The following ARSJ variants were observed in gnomAD, a reference collection of about 807,000 sequenced individuals.
ARSJ encodes the protein arylsulfatase family member J, also known as arylsulfatase J.
Under a neutral mutation model 35.9 loss-of-function variants are expected in ARSJ, and 26 were observed. The observed-to-expected ratio is 0.72, with a 90% confidence interval of 0.53 to 1.00. The LOEUF (loss-of-function observed/expected upper bound fraction) is 1.00. Among genes scored for constraint, ARSJ ranks in the 50% least tolerant of loss-of-function variants. The pLI is 0.00. For synonymous variants in ARSJ, 294 were observed against 267.6 expected (o/e 1.10, Z -0.96); for missense variants, 667 against 723.6 (o/e 0.92, Z 0.90).
At chr4:113,967,009 T>A (rs1030361358) in intron 1 of ARSJ, among the ~76,000 whole-genome samples, 1 of 152,162 alleles carries the variant, frequency 6.6e-6, no homozygotes, top group Non-Finnish European at 1.5e-5. Context: ...AGTGATTATT[T>A]TCTGGCATGT....
chr4:113,978,864 G>A lies in ARSJ; in HGVS notation c.-30C>T, dbSNP rs769829614. 4 of 1,558,496 alleles carry A rather than the reference G, an allele frequency of 2.6e-6. No homozygotes were observed. The South Asian group carries it at 4.9e-5, about 19-fold the overall frequency. On this transcript the variant is annotated 5_prime_UTR_variant, in exon 1 of 2. Transcript: ENST00000315366. ...TCAGGTCCCAGGTGAGACTCCACGC[G>A]GAGAACCACGCGCCCCGCGCCGCTG...
chr4:113,945,534 T>C (rs1365320476), intron 1 of ARSJ, among the ~76,000 whole-genome samples: 2 of 152,046 alleles, frequency 1.3e-5, no homozygotes, highest in African/African-American at 2.4e-5. Flanking sequence ...AATTGATTGG[T>C]AGAGTTATGG....
chr4:113,903,107 T>C lies in ARSJ; in HGVS notation c.967A>G (p.Ile323Val). 6.2e-7 allele frequency: 1 copy of C among 1,614,208 alleles called. No individual in the cohort carries two copies. Among genetic ancestry groups the C allele is most frequent in the South Asian group, 1.1e-5 (1 of 91,086 alleles). ...TYGFYNNSII[I>V]YSSDNGGQPT... is the part of the protein sequence containing the mutation. ...TGGCCACCATTATCTGAAGAGTAAATGATAATGCTGTTGTTATAGAAACCA... is the reference window on the plus strand; with the variant it reads ...TGGCCACCATTATCTGAAGAGTAAACGATAATGCTGTTGTTATAGAAACCA... Residue 323 changes from isoleucine to valine, a missense_variant, in exon 2 of 2, where the codon ATT becomes GTT. Transcript: ENST00000315366.
chr4:113,943,677 A>C (rs2149270956), intron 1 of ARSJ, among the ~76,000 whole-genome samples: 1 of 152,162 alleles, frequency 6.6e-6, no homozygotes, highest in Non-Finnish European at 1.5e-5. Context: ...TTAGGTGGGA[A>C]GGGAGACTTC....
At position 113,952,633 on chromosome 4, in the gene ARSJ, G is replaced by C. The variant is rs555366577; in HGVS notation, c.398+25804C>G. 2.0e-5 allele frequency among the ~76,000 whole-genome samples: 3 copies of C among 152,224 alleles called. 1 individual carries two copies. The South Asian group carries it at 6.2e-4, about 32-fold the overall frequency. ...GAGGTAATGCTGAAAGCAGTCACTA[G>C]AGGGAAATAGAGGGCTGAGAACTAG... On this transcript the variant is annotated intron_variant, in intron 1 of 1. Transcript: ENST00000315366.
intron 1 of ARSJ, among the ~76,000 whole-genome samples, chr4:113,905,854 G>C (rs996749042): frequency 4.6e-5 from 7 of 151,636 alleles, no homozygotes; most frequent in Non-Finnish European, 1.0e-4. Flanking sequence ...TTTTAGTAGA[G>C]ATAGCGTTTC....
At chr4:113,948,519 T>G (rs1725646092) in intron 1 of ARSJ, among the ~76,000 whole-genome samples, 1 of 152,156 alleles carries the variant, frequency 6.6e-6, no homozygotes, top group African/African-American at 2.4e-5. Context: ...ATTTTAAAAC[T>G]AAACCACTTA....
At chr4:113,919,569 G>A (rs1291728557) in intron 1 of ARSJ, among the ~76,000 whole-genome samples, 3 of 152,160 alleles carry the variant, frequency 2.0e-5, no homozygotes, top group Non-Finnish European at 4.4e-5. Context: ...TTCAGGTCAT[G>A]TTCCATCATT....
intron 1 of ARSJ, among the ~76,000 whole-genome samples, chr4:113,967,053 G>C (rs1046461248): frequency 9.9e-5 from 15 of 152,160 alleles, no homozygotes; most frequent in Admixed American, 9.8e-4. Flanking sequence ...GGTAGGTTTG[G>C]TGTGGGTGAT....
chr4:113,949,198 G>T (rs1427375519), intron 1 of ARSJ, among the ~76,000 whole-genome samples: 1 of 151,692 alleles, frequency 6.6e-6, no homozygotes, highest in African/African-American at 2.4e-5. Context: ...GGGGTGAGGG[G>T]CTAGGGGAGG....
rs980902080 is a variant in ARSJ at position 113,971,025 on chromosome 4, T to A, written c.398+7412A>T. On this transcript the variant is annotated intron_variant, in intron 1 of 1. Coordinates refer to ENST00000315366, the MANE Select transcript of ARSJ (RefSeq NM_024590.4). The stretch of plus-strand genomic sequence containing the variant: ...AGATTAAAAGATGAGAAGCAGAAAG[T>A]CTTTTATTTTTATTATTTTTTTTAC... The A allele has an allele frequency of 2.7e-5, 4 of 149,486 alleles. No individual in the cohort carries two copies. In the Admixed American group the frequency reaches 2.7e-4, roughly 10 times the overall value. 9.3% of individuals were successfully genotyped at this position (149,486 alleles called of 1,614,324 possible). A position where few individuals can be genotyped will look rare whatever the true frequency, so the allele number is the denominator to read the frequency against.
intron 1 of ARSJ, among the ~76,000 whole-genome samples, chr4:113,921,221 G>T (rs1231977650): frequency 6.6e-6 from 1 of 152,004 alleles, no homozygotes; most frequent in Non-Finnish European, 1.5e-5. Context: ...CAAGCCTTGA[G>T]AGAAAAGAAT....
intron 1 of ARSJ, among the ~76,000 whole-genome samples, chr4:113,958,249 A>C (rs999495744): frequency 6.6e-6 from 1 of 152,068 alleles, no homozygotes; most frequent in Non-Finnish European, 1.5e-5. Context: ...GCAGTCTGGC[A>C]AAAAGGAGAT....
intron 1 of ARSJ, among the ~76,000 whole-genome samples, chr4:113,972,293 G>GAAAAAAAA (rs750176630): frequency 9.7e-5 from 6 of 61,640 alleles, no homozygotes; most frequent in African/African-American, 3.4e-4. Context: ...AGATGATCTG[G>GAAAAAAAA]AAAAAAAAAA....
chr4:113,933,282 C>A lies in ARSJ; in HGVS notation c.399-29607G>T, dbSNP rs1328976025. On this transcript the variant is annotated intron_variant, in intron 1 of 1. Coordinates refer to ENST00000315366, the MANE Select transcript of ARSJ (RefSeq NM_024590.4). The stretch of plus-strand genomic sequence containing the variant: ...ATTTTATCAAACATTTAAAGAAAAA[C>A]CATTACCAATTCTACTAAAAATCTT... Among the ~76,000 whole-genome samples, 4 of 151,850 alleles carry A rather than the reference C, an allele frequency of 2.6e-5. No homozygotes were observed. In the East Asian group the frequency reaches 7.8e-4, roughly 30 times the overall value.
At chr4:113,972,497 C>A (rs141901754) in intron 1 of ARSJ, among the ~76,000 whole-genome samples, 1 of 151,940 alleles carries the variant, frequency 6.6e-6, no homozygotes, top group African/African-American at 2.4e-5. Context: ...TGTTATTTAG[C>A]AAAATCCTCC....
intron 1 of ARSJ, among the ~76,000 whole-genome samples, chr4:113,938,178 A>G (rs545244207): frequency 2.0e-4 from 30 of 152,264 alleles, no homozygotes; most frequent in African/African-American, 6.7e-4. Context: ...TGGTGCTGGT[A>G]CAAAAACAGA....
intron 1 of ARSJ, among the ~76,000 whole-genome samples, chr4:113,920,566 T>C (rs1723605485): frequency 6.6e-6 from 1 of 152,140 alleles, no homozygotes; most frequent in South Asian, 2.1e-4. Context: ...AGTCAATGAC[T>C]TTTTTTAGCC....
Position 113,903,360 on chromosome 4 carries a change from G to T in ARSJ, c.714C>A (p.Ser238=). 1 of 1,614,156 alleles carries T rather than the reference G, an allele frequency of 6.2e-7. No homozygotes were observed. The highest frequency in any genetic ancestry group is 8.5e-7 in the Non-Finnish European group (1 of 1,180,034). ...AAWDYDNGIY[S]TQMYTQRVQQ... ...GTACTCTCTGAGTGTACATCTGTGT[G>T]GAGTATATGCCATTGTCATAGTCCC... The change falls in exon 2 of 2, where the codon TCC becomes TCA. Residue 238 remains serine (S), a synonymous_variant. Transcript: ENST00000315366.
Sources: allele counts gnomAD v4.1 joint callset (sites outside exome capture counted in the v4.1 genomes callset), GRCh38; gene constraint gnomAD v4.1.1; transcripts MANE v1.5; gene names NCBI Gene and HGNC (gene_info 2026-07-23, HGNC 2026-07-21).